The following CAST variants were observed in gnomAD, a reference collection of about 807,000 sequenced individuals.
CAST encodes the protein calpastatin.
CAST carries 76 observed loss-of-function variants against 119.6 expected under a neutral mutation model. The observed-to-expected ratio is 0.64, with a 90% CI of 0.53 to 0.77. The LOEUF is 0.77. Ranked by LOEUF, CAST falls within the 30% of genes least tolerant of loss-of-function variation. The probability of loss-of-function intolerance (pLI) is 0.00; values close to 1 mark genes in which losing one functional copy is unlikely to be tolerated. For missense variants in CAST, 953 were observed against 946.5 expected (o/e 1.01, Z -0.09); for synonymous variants, 319 against 331.6 (o/e 0.96, Z 0.41).
chr5:96,501,654 A>G, the CAST span, among the ~76,000 whole-genome samples: 1 of 152,244 alleles, frequency 6.6e-6, no homozygotes, highest in Non-Finnish European at 1.5e-5. Flanking sequence ...GAGATAAGTA[A>G]TGCAATGAAC....
At chr5:96,573,808 CTGATTTCCTCA>C (rs1222557494) in intron 1 of CAST, among the ~76,000 whole-genome samples, 1 of 152,202 alleles carries the variant, frequency 6.6e-6, no homozygotes, top group East Asian at 1.9e-4. Context: ...AACCACTCTT[CTGATTTCCTCA>C]TGAGGGATGA....
At chr5:96,254,290 G>A in the CAST span, among the ~76,000 whole-genome samples, 1 of 151,948 alleles carries the variant, frequency 6.6e-6, no homozygotes, top group Non-Finnish European at 1.5e-5. Context: ...CTTCTAGTAT[G>A]TCTTAGAATA....
chr5:96,766,186 A>C, intron 27 of CAST, 41 bp downstream of exon 27: 1 of 1,110,160 alleles, frequency 9.0e-7, no homozygotes, highest in Non-Finnish European at 1.4e-6. Flanking sequence ...TATGCTACCA[A>C]GATCTTTAAA....
chr5:96,030,045 T>G, the CAST span, among the ~76,000 whole-genome samples: 5 of 152,194 alleles, frequency 3.3e-5, no homozygotes, highest in East Asian at 9.7e-4. Context: ...GTAATTTTGG[T>G]GAACTAAAAG....
At chr5:96,233,240 A>T in the CAST span, among the ~76,000 whole-genome samples, 3 of 152,126 alleles carry the variant, frequency 2.0e-5, no homozygotes, top group Admixed American at 1.3e-4. Context: ...ATACATATTT[A>T]GTAAAATTAT....
intron 3 of CAST, among the ~76,000 whole-genome samples, chr5:96,713,811 C>G (rs1756681854): frequency 6.6e-6 from 1 of 151,968 alleles, no homozygotes; most frequent in African/African-American, 2.4e-5. Context: ...CCCATCTCTA[C>G]TAAAAATACA....
the CAST span, among the ~76,000 whole-genome samples, chr5:96,299,795 A>T: frequency 6.6e-6 from 1 of 152,172 alleles, no homozygotes; most frequent in African/African-American, 2.4e-5. Flanking sequence ...TATATTGACA[A>T]GTTATAGTTG....
chr5:96,351,693 AATG>A, the CAST span, among the ~76,000 whole-genome samples: 915 of 152,224 alleles, frequency 6.0e-3, 13 homozygotes, highest in African/African-American at 0.021. Flanking sequence ...GTGTGGGTGT[AATG>A]AGAAAAAACT....
At chr5:96,432,040 C>T in the CAST span, 1 of 1,390,684 alleles carries the variant, frequency 7.2e-7, no homozygotes, top group Non-Finnish European at 9.9e-7. Context: ...TTCACTTGGA[C>T]AGGCAACAAT....
At chr5:96,129,217 A>G in the CAST span, among the ~76,000 whole-genome samples, 182 of 152,270 alleles carry the variant, frequency 1.2e-3, 1 homozygote, top group African/African-American at 4.3e-3. Context: ...TTCATTCTTA[A>G]TATCCCCCAA....
intron 1 of CAST, among the ~76,000 whole-genome samples, chr5:96,619,654 CA>C (rs1184514346): frequency 6.6e-5 from 10 of 152,178 alleles, no homozygotes; most frequent in Non-Finnish European, 1.5e-4. Context: ...CTCCTGAAGC[CA>C]GCGAGACCAC....
chr5:96,140,594 G>A, the CAST span, among the ~76,000 whole-genome samples: 1 of 152,152 alleles, frequency 6.6e-6, no homozygotes, highest in African/African-American at 2.4e-5. Flanking sequence ...CTATGGCCTT[G>A]GACAGTTTAC....
chr5:96,238,953 T>C, the CAST span, among the ~76,000 whole-genome samples: 3 of 152,082 alleles, frequency 2.0e-5, no homozygotes, highest in Non-Finnish European at 4.4e-5. Flanking sequence ...TGTTTGGGAG[T>C]CATTGGGTAT....
chr5:96,699,694 G>C (rs1051797044), intron 3 of CAST, among the ~76,000 whole-genome samples: 8 of 152,198 alleles, frequency 5.3e-5, no homozygotes, highest in Non-Finnish European at 7.3e-5. Flanking sequence ...CCTTCACCCT[G>C]CTCCAAGGGA....
chr5:96,288,741 C>G, the CAST span, among the ~76,000 whole-genome samples: 5 of 152,092 alleles, frequency 3.3e-5, no homozygotes, highest in Non-Finnish European at 7.4e-5. Context: ...TTTGTGCAGC[C>G]TAAGACAAGT....
chr5:96,683,917 C>T (rs566355258), intron 2 of CAST, among the ~76,000 whole-genome samples: 1 of 152,280 alleles, frequency 6.6e-6, no homozygotes, highest in Non-Finnish European at 1.5e-5. Context: ...AGGACAAAAA[C>T]TCTGTGCCAT....
chr5:96,231,565 T>G, the CAST span, among the ~76,000 whole-genome samples: 2 of 152,102 alleles, frequency 1.3e-5, no homozygotes, highest in Non-Finnish European at 2.9e-5. Flanking sequence ...TAGATTTGAG[T>G]GATGGTTGCA....
chr5:96,719,390 G>C (rs1173173994), intron 3 of CAST, among the ~76,000 whole-genome samples: 1 of 152,214 alleles, frequency 6.6e-6, no homozygotes, highest in Non-Finnish European at 1.5e-5. Flanking sequence ...CCAACTTCTG[G>C]ACTCAAGCTG....
At chr5:96,036,928 G>A in the CAST span, among the ~76,000 whole-genome samples, 1 of 152,144 alleles carries the variant, frequency 6.6e-6, no homozygotes, top group Non-Finnish European at 1.5e-5. Context: ...AGAGCAAACT[G>A]TTCTCAATGA....
Sources: allele counts gnomAD v4.1 joint callset (sites outside exome capture counted in the v4.1 genomes callset), GRCh38; gene constraint gnomAD v4.1.1; transcripts MANE v1.5; gene names NCBI Gene and HGNC (gene_info 2026-07-23, HGNC 2026-07-21).